Variants in EYA4 observed in about 807,000 individuals in gnomAD.
EYA4 encodes the protein EYA transcriptional coactivator and phosphatase 4.
EYA4 carries 31 observed loss-of-function variants against 87.9 expected under a neutral mutation model. The observed-to-expected ratio is 0.35, with a 90% CI of 0.27 to 0.48. EYA4 has a LOEUF of 0.48. EYA4 is among the 20% of genes least tolerant of loss of function. The probability of loss-of-function intolerance (pLI) is 0.99; values close to 1 mark genes in which losing one functional copy is unlikely to be tolerated. For missense variants in EYA4, 678 were observed against 761.4 expected, an observed-to-expected ratio of 0.89 and a Z score of 1.29; for synonymous variants, 263 against 270.6, an observed-to-expected ratio of 0.97 and a Z score of 0.28.
At chr6:133,385,352 A>G (rs212816) in intron 3 of EYA4, among the ~76,000 whole-genome samples, 1 of 128,078 alleles carries the variant, frequency 7.8e-6, no homozygotes, top group South Asian at 2.4e-4. Context: ...ATATATATAT[A>G]TTTTTTCTCT....
In EYA4 at chr6:133,462,754, C is replaced by A. The variant is rs1264401894; in HGVS notation, c.714C>A (p.Tyr238Ter). 1 of 1,613,750 alleles carries A rather than the reference C, an allele frequency of 6.2e-7. No individual in the cohort carries two copies. Among genetic ancestry groups the A allele is most frequent in the African/African-American group, 1.3e-5 (1 of 74,954 alleles). Reference sequence around the variant, plus strand: ...AGCCAGGCCAGACACCTTATTCTTACCAAATGCCAGGTAAGTAGCTACACA... The same window carrying A: ...AGCCAGGCCAGACACCTTATTCTTAACAAATGCCAGGTAAGTAGCTACACA... ...TPQPGQTPYS[Y>*]QMPGSSFAPS... The change falls in exon 9 of 20, where the codon TAC becomes TAA. Residue 238 changes from tyrosine to a stop codon, truncating the protein, a stop_gained. Coordinates refer to ENST00000355286, the MANE Select transcript of EYA4 (RefSeq NM_004100.5). LOFTEE classifies it high-confidence loss of function.
chr6:133,443,196 T>TA (rs199667233), intron 3 of EYA4, among the ~76,000 whole-genome samples: 1 of 151,788 alleles, frequency 6.6e-6, no homozygotes, highest in Admixed American at 6.6e-5. Context: ...AAATTGTTAC[T>TA]AAAAAAAATT....
intron 17 of EYA4, among the ~76,000 whole-genome samples, chr6:133,517,403 A>G (rs532825950): frequency 2.3e-4 from 35 of 152,168 alleles, no homozygotes; most frequent in Non-Finnish European, 4.6e-4. Flanking sequence ...AGATCAATGA[A>G]TAAGATGACA....
chr6:133,481,047 G>GTGGAA (rs1562470423), intron 11 of EYA4, among the ~76,000 whole-genome samples: 1 of 151,764 alleles, frequency 6.6e-6, no homozygotes, highest in African/African-American at 2.4e-5. Context: ...GATGAGAGAG[G>GTGGAA]GTTTGACTAA....
chr6:133,414,621 C>A (rs1169315381), intron 3 of EYA4, among the ~76,000 whole-genome samples: 1 of 152,162 alleles, frequency 6.6e-6, no homozygotes, highest in Non-Finnish European at 1.5e-5. Flanking sequence ...CTGGCTTCCT[C>A]CTTTCTGCAC....
chr6:133,430,179 C>A (rs182039741), intron 3 of EYA4, among the ~76,000 whole-genome samples: 1 of 152,150 alleles, frequency 6.6e-6, no homozygotes, highest in African/African-American at 2.4e-5. Flanking sequence ...CTGGTACATA[C>A]ATACCATGGA....
At chr6:133,262,805 A>C (rs1775903853) in intron 1 of EYA4, among the ~76,000 whole-genome samples, 1 of 152,200 alleles carries the variant, frequency 6.6e-6, no homozygotes, top group Non-Finnish European at 1.5e-5. Context: ...TAGACAGCTC[A>C]AAAATAGCTC....
intron 3 of EYA4, among the ~76,000 whole-genome samples, chr6:133,392,444 A>G (rs188026081): frequency 6.6e-6 from 1 of 152,268 alleles, no homozygotes; most frequent in East Asian, 1.9e-4. Context: ...TCACCAATGG[A>G]TTTCTGATCA....
intron 2 of EYA4, among the ~76,000 whole-genome samples, chr6:133,365,383 C>A (rs559427549): frequency 6.6e-6 from 1 of 152,098 alleles, no homozygotes; most frequent in Non-Finnish European, 1.5e-5. Flanking sequence ...GTTAATGGTA[C>A]AAATTGGGAG....
intron 11 of EYA4, among the ~76,000 whole-genome samples, chr6:133,479,429 A>G (rs1236606686): frequency 6.6e-6 from 1 of 152,202 alleles, no homozygotes; most frequent in Non-Finnish European, 1.5e-5. Context: ...TTTTTTGATC[A>G]TGTGCTGACA....
intron 3 of EYA4, among the ~76,000 whole-genome samples, chr6:133,422,226 T>C (rs977027300): frequency 6.6e-6 from 1 of 152,166 alleles, no homozygotes; most frequent in Non-Finnish European, 1.5e-5. Flanking sequence ...ATCGACCCCA[T>C]TGCTCCTTGA....
intron 2 of EYA4, among the ~76,000 whole-genome samples, chr6:133,376,877 G>C (rs921739153): frequency 6.6e-6 from 1 of 152,030 alleles, no homozygotes; most frequent in Non-Finnish European, 1.5e-5. Flanking sequence ...AACCTAAAAA[G>C]CTTGAGGGGT....
chr6:133,318,728 A>G (rs1185139643), intron 2 of EYA4, among the ~76,000 whole-genome samples: 1 of 151,376 alleles, frequency 6.6e-6, no homozygotes, highest in South Asian at 2.1e-4. Flanking sequence ...CTGTGCCTCT[A>G]TAGATGTTGC....
At chr6:133,345,362 A>G (rs1281210195) in intron 2 of EYA4, among the ~76,000 whole-genome samples, 2 of 152,180 alleles carry the variant, frequency 1.3e-5, no homozygotes, top group East Asian at 1.9e-4. Flanking sequence ...AGAATTTTCC[A>G]TACTTTTATG....
At chr6:133,480,909 T>G (rs1245231633) in intron 11 of EYA4, among the ~76,000 whole-genome samples, 1 of 150,350 alleles carries the variant, frequency 6.7e-6, no homozygotes, top group Non-Finnish European at 1.5e-5. Context: ...GAAGGACTTT[T>G]TAACTTCTCA....
rs533783536 is a variant in EYA4 at position 133,368,083 on chromosome 6, A to T, written c.34-14309A>T. 2.0e-5 allele frequency among the ~76,000 whole-genome samples: 3 copies of T among 152,336 alleles called. No homozygotes were observed. The East Asian group carries it at 5.8e-4, about 29-fold the overall frequency. ...ATCTATGCAATTTTCCCACTTGGTT[A>T]TAATGGTACAAAGTAAAGGGATACC... is the stretch of plus-strand genomic sequence containing the variant. On this transcript the variant is annotated intron_variant, in intron 2 of 19. Coordinates refer to ENST00000355286, the MANE Select transcript of EYA4 (RefSeq NM_004100.5).
At chr6:133,303,224 A>G (rs1779547999) in intron 2 of EYA4, among the ~76,000 whole-genome samples, 2 of 152,262 alleles carry the variant, frequency 1.3e-5, no homozygotes, top group South Asian at 2.1e-4. Context: ...TATTCAGTGT[A>G]TTGTCGGTGA....
intron 12 of EYA4, among the ~76,000 whole-genome samples, chr6:133,482,538 G>C (rs1338433604): frequency 6.6e-6 from 1 of 152,192 alleles, no homozygotes; most frequent in African/African-American, 2.4e-5. Flanking sequence ...TTCATAATTT[G>C]AAATCCTTCA....
At chr6:133,505,951 G>C (rs1798574539) in intron 13 of EYA4, 155 bp from the exon 14 acceptor site, 2 of 636,092 alleles carry the variant, frequency 3.1e-6, no homozygotes, top group Non-Finnish European at 5.7e-6. Context: ...CTTCTGGAAA[G>C]TCACCTTTTT....
Sources: allele counts gnomAD v4.1 joint callset (sites outside exome capture counted in the v4.1 genomes callset), GRCh38; gene constraint gnomAD v4.1.1; transcripts MANE v1.5; gene names NCBI Gene and HGNC (gene_info 2026-07-23, HGNC 2026-07-21).